Variants in NXN observed in about 807,000 individuals in gnomAD.
NXN encodes nucleoredoxin.
In NXN, 16 loss-of-function variants were observed where a neutral mutation model predicts 48.6. That is an observed-to-expected ratio of 0.33 (90% CI 0.22 to 0.50). The LOEUF is 0.50. NXN is among the 20% of genes least tolerant of loss of function. NXN has a pLI of 0.98. For missense variants in NXN, 492 were observed against 605.5 expected, an observed-to-expected ratio of 0.81 and a Z score of 1.97; for synonymous variants, 281 against 269.6, an observed-to-expected ratio of 1.04 and a Z score of -0.41.
intron 1 of NXN, among the ~76,000 whole-genome samples, chr17:876,108 G>C (rs535328679): frequency 9.9e-4 from 150 of 152,124 alleles, no homozygotes; most frequent in African/African-American, 3.5e-3. Context: ...TTGAACCTGG[G>C]GGGGTGGAGG....
At chr17:952,960 A>G (rs953611848) in intron 1 of NXN, among the ~76,000 whole-genome samples, 8 of 152,164 alleles carry the variant, frequency 5.3e-5, no homozygotes, top group Admixed American at 3.9e-4. Flanking sequence ...ATGAGATAAT[A>G]CATGAAAAGC....
Position 907,133 on chromosome 17 carries a change from G to A in NXN, c.360+72186C>T, listed in dbSNP as rs535914161. Among the ~76,000 whole-genome samples, 5 of 151,670 alleles carry A rather than the reference G, an allele frequency of 3.3e-5. No homozygotes were observed. In the South Asian group the frequency reaches 1.0e-3, roughly 32 times the overall value. Reference sequence around the variant, plus strand: ...CAATTTCCAAGTAATCTTTTTTTGGGGGGGCGGGGGAGGGTTATCTCCAAG... The same window carrying A: ...CAATTTCCAAGTAATCTTTTTTTGGAGGGGCGGGGGAGGGTTATCTCCAAG... On this transcript the variant is annotated intron_variant, in intron 1 of 7. Coordinates refer to ENST00000336868, the MANE Select transcript of NXN (RefSeq NM_022463.5).
intron 5 of NXN, among the ~76,000 whole-genome samples, chr17:806,403 T>C (rs1401162333): frequency 6.6e-6 from 1 of 151,470 alleles, no homozygotes; most frequent in Non-Finnish European, 1.5e-5. Context: ...CAAAAAGCCT[T>C]CAATGAAAAC....
intron 1 of NXN, among the ~76,000 whole-genome samples, chr17:962,101 T>G (rs972216929): frequency 1.3e-5 from 2 of 152,124 alleles, no homozygotes; most frequent in Non-Finnish European, 2.9e-5. Context: ...GCCACTGCAC[T>G]CCAGCCTGGG....
intron 1 of NXN, among the ~76,000 whole-genome samples, chr17:963,709 T>G (rs1374467204): frequency 6.6e-6 from 1 of 152,198 alleles, no homozygotes; most frequent in African/African-American, 2.4e-5. Flanking sequence ...TGCCTATTCT[T>G]TTTCTGGAAA....
chr17:967,683 C>T (rs2069322830), intron 1 of NXN, among the ~76,000 whole-genome samples: 1 of 152,196 alleles, frequency 6.6e-6, no homozygotes, highest in Admixed American at 6.5e-5. Context: ...ATGTAATGGG[C>T]AAATTTTATT....
intron 1 of NXN, among the ~76,000 whole-genome samples, chr17:935,493 G>C: frequency 6.6e-6 from 1 of 152,296 alleles, no homozygotes; most frequent in East Asian, 1.9e-4. Flanking sequence ...GGTCTGGCAA[G>C]GTTGTAGGAA....
intron 1 of NXN, among the ~76,000 whole-genome samples, chr17:853,777 C>T (rs192670089): frequency 1.4e-5 from 2 of 144,656 alleles, no homozygotes; most frequent in Non-Finnish European, 3.0e-5. Flanking sequence ...GGCTGGAGTG[C>T]AGTGGTGCGA....
At chr17:918,611 G>A (rs935306044) in intron 1 of NXN, among the ~76,000 whole-genome samples, 12 of 151,974 alleles carry the variant, frequency 7.9e-5, no homozygotes, top group African/African-American at 2.2e-4. Flanking sequence ...TGGCCAACAC[G>A]ATGAAAACCT....
At chr17:809,792 T>C (rs1218700167) in intron 5 of NXN, among the ~76,000 whole-genome samples, 1 of 93,320 alleles carries the variant, frequency 1.1e-5, no homozygotes, top group African/African-American at 3.4e-5. Context: ...GAGCGCACAG[T>C]GCCGTGTGCA....
rs886740912 is a variant in NXN at position 920,554 on chromosome 17, C to T, written c.360+58765G>A. On this transcript the variant is annotated intron_variant, in intron 1 of 7. Coordinates refer to ENST00000336868, the MANE Select transcript of NXN (RefSeq NM_022463.5). This position sits in a 1 kb window ranked among gnomAD's most constrained non-coding sequence, Gnocchi z 4.6. The stretch of plus-strand genomic sequence containing the variant: ...AGCGTTCTCCCAGGCTCTCAACCCT[C>T]GACGCTCATCCAGGTTCATTCGCCA... 1.3e-5 allele frequency among the ~76,000 whole-genome samples: 2 copies of T among 152,180 alleles called. No individual in the cohort carries two copies. The highest frequency in any genetic ancestry group is 4.8e-5 in the African/African-American group (2 of 41,526).
intron 5 of NXN, among the ~76,000 whole-genome samples, chr17:810,119 GTGTGAGTGGCGTGCACGTTACGAGTC>G (rs1911868798): frequency 1.0e-4 from 10 of 96,912 alleles, no homozygotes; most frequent in African/African-American, 1.9e-4. Flanking sequence ...TTACGAGTCC[GTGTGAGTGGCGTGCACGTTACGAGTC>G]TGTGACTGGC....
In NXN at chr17:958,214, T is replaced by C. The variant is rs964265372; in HGVS notation, c.360+21105A>G. 8.5e-5 allele frequency among the ~76,000 whole-genome samples: 13 copies of C among 152,208 alleles called. No homozygotes were observed. Among genetic ancestry groups the C allele is most frequent in the Non-Finnish European group, 1.6e-4 (11 of 68,048 alleles). On this transcript the variant is annotated intron_variant, in intron 1 of 7. Coordinates refer to ENST00000336868, the MANE Select transcript of NXN (RefSeq NM_022463.5). The surrounding 1 kb of genome is among the most constrained non-coding windows in gnomAD (Gnocchi z 6.9). ...CACATTCTTCTTTCCAGAAGGCTTT[T>C]CTTGCAGGAGGTGGCTGCCAGCTTG...
In NXN at chr17:800,183, CA is replaced by C. The variant is rs1356253584; in HGVS notation, c.*765del. The C allele has an allele frequency of 6.6e-6, 1 of 152,390 alleles. No individual in the cohort carries two copies. The highest frequency in any genetic ancestry group is 2.4e-5 in the African/African-American group (1 of 41,468). The allele number at this position is 152,390 out of a possible 1,614,324, so 9.4% of individuals were successfully genotyped here. ...TGGGTGTGGGCACCTCAGCAGAGATCAGGGGCCTTGGGCACAGAGCTGGGTG... is the reference window on the plus strand; with the variant it reads ...TGGGTGTGGGCACCTCAGCAGAGATCGGGGCCTTGGGCACAGAGCTGGGTG... On this transcript the variant is annotated 3_prime_UTR_variant, in exon 8 of 8. Coordinates refer to ENST00000336868, the MANE Select transcript of NXN (RefSeq NM_022463.5).
intron 1 of NXN, among the ~76,000 whole-genome samples, chr17:873,943 G>C (rs573289579): frequency 6.6e-6 from 1 of 152,240 alleles, no homozygotes; most frequent in South Asian, 2.1e-4. Flanking sequence ...CAGAATCATG[G>C]TCTTTTTCCA....
In NXN at chr17:821,485, C is replaced by T. The variant is rs1912816021; in HGVS notation, c.713+872G>A. Among the ~76,000 whole-genome samples the T allele has an allele frequency of 2.5e-5, 2 of 78,562 alleles. 1 individual carries two copies. The highest frequency in any genetic ancestry group is 1.5e-4 in the African/African-American group (2 of 13,058). 51.5% of individuals were successfully genotyped at this position (78,562 alleles called of 152,430 possible). On this transcript the variant is annotated intron_variant, in intron 4 of 7. Transcript: ENST00000336868. ...GAGATAACAGCCATCCGGCCGGGCGCGGTGGCTCATGCCTGTAATCCCAGC... is the reference window on the plus strand; with the variant it reads ...GAGATAACAGCCATCCGGCCGGGCGTGGTGGCTCATGCCTGTAATCCCAGC...
rs76297238 is a variant in NXN at position 956,737 on chromosome 17, C to T, written c.360+22582G>A. Among the ~76,000 whole-genome samples the T allele has an allele frequency of 7.8e-3, 1,183 of 152,176 alleles. 53 individuals carry two copies. In the East Asian group the frequency reaches 0.084, roughly 11 times the overall value. ...GCCAAGAGCTTTTTATATCAGTCAT[C>T]GTCTTAAACCTCCACCGCAACCTGA... On this transcript the variant is annotated intron_variant, in intron 1 of 7. Transcript: ENST00000336868. The surrounding 1 kb of genome is among the most constrained non-coding windows in gnomAD (Gnocchi z 4.1).
At chr17:908,652 A>T (rs2068603427) in intron 1 of NXN, among the ~76,000 whole-genome samples, 1 of 152,194 alleles carries the variant, frequency 6.6e-6, no homozygotes, top group Admixed American at 6.5e-5. Context: ...GGCCCCCTGG[A>T]GAGCGCTTCA....
At chr17:810,868 G>A (rs1045871418) in intron 5 of NXN, among the ~76,000 whole-genome samples, 76 of 151,960 alleles carry the variant, frequency 5.0e-4, no homozygotes, top group African/African-American at 1.4e-3. Flanking sequence ...CAGCCTGGGC[G>A]ACAGAGCGAG....
Sources: allele counts gnomAD v4.1 joint callset (sites outside exome capture counted in the v4.1 genomes callset), GRCh38; gene constraint gnomAD v4.1.1; non-coding constraint Gnocchi (gnomAD v3.1); transcripts MANE v1.5; gene names NCBI Gene and HGNC (gene_info 2026-07-23, HGNC 2026-07-21).